The following DCLK1 variants were observed in gnomAD, a reference collection of about 807,000 sequenced individuals.
DCLK1 encodes the protein serine/threonine-protein kinase DCLK1.
In DCLK1, 16 loss-of-function variants were observed where a neutral mutation model predicts 86.2. That is an observed-to-expected ratio of 0.19 (90% CI 0.13 to 0.28). The LOEUF (loss-of-function observed/expected upper bound fraction) is 0.28, where lower values mean the gene tolerates loss of function less well. Among genes scored for constraint, DCLK1 ranks in the 10% least tolerant of loss-of-function variants. DCLK1 has a pLI of 1.00. For synonymous variants in DCLK1, 369 were observed against 370.5 expected (o/e 1.00, Z 0.05); for missense variants, 590 against 940.2 (o/e 0.63, Z 4.87).
chr13:35,834,061 G>A (rs1408107819), intron 8 of DCLK1, among the ~76,000 whole-genome samples: 2 of 152,164 alleles, frequency 1.3e-5, no homozygotes, highest in Non-Finnish European at 2.9e-5. Flanking sequence ...CTAGCTAGGA[G>A]AAACAGCACA....
At chr13:35,780,889 A>G (rs2086513750) in intron 16 of DCLK1, among the ~76,000 whole-genome samples, 1 of 152,234 alleles carries the variant, frequency 6.6e-6, no homozygotes, top group African/African-American at 2.4e-5. Context: ...AACACCAGGC[A>G]TACATAAATA....
rs184892089 is a variant in DCLK1 at position 36,050,916 on chromosome 13, T to C, written c.723+60953A>G. On this transcript the variant is annotated intron_variant, in intron 3 of 16. Coordinates refer to ENST00000360631, the MANE Select transcript of DCLK1 (RefSeq NM_001330071.2). ...ACCAGTCAGGAATGAGGAGTGCCAG[T>C]AGGTCATGTAAAAAACATGAAAAGT... is the stretch of plus-strand genomic sequence containing the variant. Among the ~76,000 whole-genome samples the C allele has an allele frequency of 1.7e-4, 26 of 152,182 alleles. No homozygotes were observed. The East Asian group carries it at 4.4e-3, about 26-fold the overall frequency.
At position 35,886,172 on chromosome 13, in the gene DCLK1, T is replaced by C. The variant is rs553748818; in HGVS notation, c.824-14832A>G. Among the ~76,000 whole-genome samples the C allele has an allele frequency of 1.8e-4, 27 of 152,026 alleles. No individual in the cohort carries two copies. In the South Asian group the frequency reaches 5.6e-3, roughly 32 times the overall value. On this transcript the variant is annotated intron_variant, in intron 4 of 16. Transcript: ENST00000360631. Reference sequence around the variant, plus strand: ...GACTACAGGCACATGCCACCATGCCTGGCTAATTTTTTGTATTTTTAGTAG... The same window carrying C: ...GACTACAGGCACATGCCACCATGCCCGGCTAATTTTTTGTATTTTTAGTAG...
intron 11 of DCLK1, among the ~76,000 whole-genome samples, chr13:35,822,426 G>T (rs1188925503): frequency 6.6e-6 from 1 of 152,154 alleles, no homozygotes; most frequent in Non-Finnish European, 1.5e-5. Flanking sequence ...TGACATTTGT[G>T]TCTGTGTAAC....
chr13:36,129,509 T>C (rs1401078648), intron 1 of DCLK1, among the ~76,000 whole-genome samples: 1 of 152,190 alleles, frequency 6.6e-6, no homozygotes, highest in Non-Finnish European at 1.5e-5. Context: ...TACCTCTAAA[T>C]GGAGCACACT....
chr13:36,113,015 C>T (rs575767600), intron 2 of DCLK1, among the ~76,000 whole-genome samples: 4 of 152,184 alleles, frequency 2.6e-5, no homozygotes, highest in East Asian at 3.9e-4. Flanking sequence ...TGTAAAATGA[C>T]GAATTCTAAA....
At chr13:35,897,875 G>A (rs909613024) in intron 4 of DCLK1, among the ~76,000 whole-genome samples, 2 of 152,118 alleles carry the variant, frequency 1.3e-5, no homozygotes, top group African/African-American at 4.8e-5. Flanking sequence ...GAGGGTTGCT[G>A]TATCTTAAAC....
chr13:35,907,256 G>A (rs116505763), intron 4 of DCLK1, among the ~76,000 whole-genome samples: 213 of 152,250 alleles, frequency 1.4e-3, no homozygotes, highest in African/African-American at 4.8e-3. Flanking sequence ...TTGACCTCTC[G>A]GACTCAAGTG....
rs2225045 is a variant in DCLK1 at position 35,932,746 on chromosome 13, G to C, written c.823+14612C>G. 9.5e-3 allele frequency among the ~76,000 whole-genome samples: 1,447 copies of C among 152,304 alleles called. 23 individuals are homozygous for C. The highest frequency in any genetic ancestry group is 0.032 in the African/African-American group (1,340 of 41,562). On this transcript the variant is annotated intron_variant, in intron 4 of 16. Transcript: ENST00000360631. Reference sequence around the variant, plus strand: ...CAGCAGGTCCCTCCCACAACATGTAGGAATTATGGGAGTACAATTGAAGAT... The same window carrying C: ...CAGCAGGTCCCTCCCACAACATGTACGAATTATGGGAGTACAATTGAAGAT...
intron 3 of DCLK1, among the ~76,000 whole-genome samples, chr13:36,020,624 T>TATC (rs1252534258): frequency 6.6e-6 from 1 of 152,050 alleles, no homozygotes; most frequent in Non-Finnish European, 1.5e-5. Flanking sequence ...ACCTGCAAGA[T>TATC]ATCAGCAAGC....
intron 3 of DCLK1, among the ~76,000 whole-genome samples, chr13:35,953,851 A>G (rs1006368772): frequency 6.6e-5 from 10 of 152,198 alleles, no homozygotes; most frequent in African/African-American, 2.4e-4. Flanking sequence ...CGCCCTCTTC[A>G]AACGAAACAG....
chr13:35,856,564 T>A (rs1332569181), intron 5 of DCLK1, among the ~76,000 whole-genome samples: 1 of 152,154 alleles, frequency 6.6e-6, no homozygotes, highest in Non-Finnish European at 1.5e-5. Flanking sequence ...TCTGATCTTA[T>A]CCAGCTAATG....
intron 3 of DCLK1, among the ~76,000 whole-genome samples, chr13:35,950,805 A>G (rs1001563388): frequency 3.9e-5 from 6 of 152,058 alleles, no homozygotes; most frequent in Admixed American, 1.3e-4. Context: ...ACCTCCCAGG[A>G]GAGTTGATGT....
At chr13:36,078,771 A>G (rs879637288) in intron 3 of DCLK1, among the ~76,000 whole-genome samples, 8 of 152,236 alleles carry the variant, frequency 5.3e-5, no homozygotes, top group Non-Finnish European at 1.2e-4. Context: ...TAGTGACATA[A>G]AACATTAAAA....
At chr13:36,110,976 G>A (rs928999909) in intron 3 of DCLK1, among the ~76,000 whole-genome samples, 3 of 151,316 alleles carry the variant, frequency 2.0e-5, no homozygotes, top group Non-Finnish European at 4.4e-5. Flanking sequence ...GACTACAGGC[G>A]CCCACCACCA....
chr13:35,796,625 A>G (rs963613507), intron 15 of DCLK1, among the ~76,000 whole-genome samples: 1 of 152,172 alleles, frequency 6.6e-6, no homozygotes, highest in Non-Finnish European at 1.5e-5. Context: ...CATTTTGAAC[A>G]TGGGCAAAAT....
intron 3 of DCLK1, among the ~76,000 whole-genome samples, chr13:35,986,875 A>G (rs745958161): frequency 4.2e-4 from 64 of 152,160 alleles, no homozygotes; most frequent in Non-Finnish European, 8.1e-4. Flanking sequence ...ACATGTGGTC[A>G]GGGAGGGAGA....
intron 4 of DCLK1, among the ~76,000 whole-genome samples, chr13:35,943,672 G>A (rs567631214): frequency 4.6e-5 from 7 of 152,124 alleles, no homozygotes; most frequent in Non-Finnish European, 1.0e-4. Flanking sequence ...TACTGGCTTT[G>A]AGGCCAGCAG....
intron 4 of DCLK1, among the ~76,000 whole-genome samples, chr13:35,911,100 G>A (rs1348345218): frequency 4.8e-5 from 7 of 145,762 alleles, no homozygotes; most frequent in South Asian, 2.3e-4. Flanking sequence ...TGGCTAACAC[G>A]GTGAAACCCC....
Sources: gnomAD v4.1 joint callset for allele counts (sites outside exome capture counted in the v4.1 genomes callset) on GRCh38, gnomAD v4.1.1 for gene constraint, MANE v1.5 for transcripts, NCBI Gene and HGNC (gene_info 2026-07-23, HGNC 2026-07-21) for gene names.